The following GRM1 variants were observed in gnomAD, a reference collection of about 807,000 sequenced individuals.
GRM1 encodes the protein metabotropic glutamate receptor 1.
GRM1 carries 33 observed loss-of-function variants against 90.9 expected under a neutral mutation model. The observed-to-expected ratio is 0.36, with a 90% CI of 0.28 to 0.49. GRM1 has a LOEUF of 0.49. GRM1 is among the 20% of genes least tolerant of loss of function. GRM1 has a pLI of 0.99. For missense variants in GRM1, 1,190 were observed against 1,534.3 expected (o/e 0.78, Z 3.75); for synonymous variants, 700 against 613.2 (o/e 1.14, Z -2.09).
intron 1 of GRM1, among the ~76,000 whole-genome samples, chr6:146,059,438 G>T (rs57806958): frequency 2.6e-5 from 4 of 152,064 alleles, no homozygotes; most frequent in African/African-American, 7.2e-5. Flanking sequence ...CAGAAGTGCC[G>T]TCATTCAGGC....
At chr6:146,386,442 T>A (rs1472563562) in intron 5 of GRM1, among the ~76,000 whole-genome samples, 2 of 152,150 alleles carry the variant, frequency 1.3e-5, no homozygotes. Flanking sequence ...CAGTTTTTCA[T>A]AATTACAACA....
intron 5 of GRM1, among the ~76,000 whole-genome samples, chr6:146,378,943 G>A (rs994958404): frequency 6.6e-6 from 1 of 152,116 alleles, no homozygotes; most frequent in Admixed American, 6.5e-5. Flanking sequence ...CATAAAAGAT[G>A]TGATTTTGTT....
At chr6:146,195,570 T>C (rs1337729786) in intron 2 of GRM1, among the ~76,000 whole-genome samples, 2 of 152,182 alleles carry the variant, frequency 1.3e-5, no homozygotes, top group African/African-American at 4.8e-5. Context: ...TGACCCTGTG[T>C]GGGGAGATAC....
chr6:146,311,571 G>A (rs1255805739), intron 3 of GRM1, among the ~76,000 whole-genome samples: 1 of 152,122 alleles, frequency 6.6e-6, no homozygotes, highest in African/African-American at 2.4e-5. Flanking sequence ...TTAGCCACTA[G>A]CCACATGTGT....
In GRM1 at chr6:146,398,978, A is replaced by T; in HGVS notation, c.1939A>T (p.Thr647Ser). The change falls in exon 7 of 8, where the codon ACT becomes TCT. Residue 647 changes from threonine to serine, a missense_variant. Physicochemically the swap from Thr to Ser is moderately conservative, Grantham distance 58. Around this residue, in one of 10 missense-constraint regions of GRM1, gnomAD observed 414 missense variants for 598.4 expected, o/e 0.69. Coordinates refer to ENST00000282753, the MANE Select transcript of GRM1 (RefSeq NM_001278064.2). ...GIFLGYVCPFTLIAKPTTTSC... is the reference protein window; with the variant it reads ...GIFLGYVCPFSLIAKPTTTSC... Reference sequence around the variant, plus strand: ...CTTCCTTGGTTATGTGTGCCCATTCACTCTCATTGCCAAACCTACTACCAC... The same window carrying T: ...CTTCCTTGGTTATGTGTGCCCATTCTCTCTCATTGCCAAACCTACTACCAC... The T allele has an allele frequency of 1.9e-6, 3 of 1,613,612 alleles. No homozygotes were observed. The highest frequency in any genetic ancestry group is 2.5e-6 in the Non-Finnish European group (3 of 1,179,874).
At chr6:146,387,512 G>A (rs565189183) in intron 6 of GRM1, among the ~76,000 whole-genome samples, 4 of 151,898 alleles carry the variant, frequency 2.6e-5, no homozygotes, top group South Asian at 2.1e-4. Flanking sequence ...TATCAGGAAC[G>A]AAACATGAAA....
chr6:146,195,240 T>C (rs1265210794), intron 2 of GRM1, among the ~76,000 whole-genome samples: 2 of 152,220 alleles, frequency 1.3e-5, no homozygotes, highest in Non-Finnish European at 2.9e-5. Flanking sequence ...AGTGGTAATT[T>C]AATTTTAAAT....
chr6:146,140,986 C>A (rs567079360), intron 1 of GRM1, among the ~76,000 whole-genome samples: 6 of 152,130 alleles, frequency 3.9e-5, no homozygotes, highest in African/African-American at 7.2e-5. Context: ...ACCTTCAGAT[C>A]GTTTTTTATT....
At chr6:146,221,641 C>T (rs149863130) in intron 2 of GRM1, among the ~76,000 whole-genome samples, 50 of 152,148 alleles carry the variant, frequency 3.3e-4, no homozygotes, top group Admixed American at 5.9e-4. Context: ...GTGTGAGTAG[C>T]GCTGCAATAA....
intron 6 of GRM1, among the ~76,000 whole-genome samples, chr6:146,394,317 C>T (rs1776849844): frequency 6.6e-6 from 1 of 151,984 alleles, no homozygotes; most frequent in African/African-American, 2.4e-5. Context: ...CAGATAAATT[C>T]CTCTTAGTAG....
chr6:146,434,185 C>T lies in GRM1; in HGVS notation c.2974C>T (p.Pro992Ser). 3.1e-6 allele frequency: 5 copies of T among 1,613,186 alleles called. No homozygotes were observed. The highest frequency in any genetic ancestry group is 4.2e-6 in the Non-Finnish European group (5 of 1,179,302). ...AAGCGCGGCGACCACTCCGCCTCTG[C>T]CGTCCCACCTGACCGCAGAGGAGAC... Reference protein sequence around the residue: ...VPSAATTPPLPSHLTAEETPL... With the variant: ...VPSAATTPPLSSHLTAEETPL... Residue 992 changes from proline (P) to serine (S), a missense_variant, in exon 8 of 8, where the codon CCG becomes TCG. Pro to Ser is a moderately conservative substitution (Grantham distance 74). Coordinates refer to ENST00000282753, the MANE Select transcript of GRM1 (RefSeq NM_001278064.2).
chr6:146,166,983 C>T (rs1207366397), intron 2 of GRM1, among the ~76,000 whole-genome samples: 7 of 152,096 alleles, frequency 4.6e-5, no homozygotes, highest in Non-Finnish European at 5.9e-5. Flanking sequence ...GATAACTCTA[C>T]GCAGTGACAT....
intron 2 of GRM1, among the ~76,000 whole-genome samples, chr6:146,243,362 G>A (rs954030661): frequency 6.6e-6 from 1 of 151,988 alleles, no homozygotes; most frequent in Non-Finnish European, 1.5e-5. Context: ...GAGTGTTTCT[G>A]TTTTCTTAAT....
In GRM1 at chr6:146,262,518, A is replaced by G. The variant is rs186061963; in HGVS notation, c.951-42093A>G. ...AAAAAGGAAAGTATTCATAACACTG[A>G]CTCTTTAAACATCTGTTTACAACAG... On this transcript the variant is annotated intron_variant, in intron 2 of 7. Coordinates refer to ENST00000282753, the MANE Select transcript of GRM1 (RefSeq NM_001278064.2). 8.8e-4 allele frequency among the ~76,000 whole-genome samples: 134 copies of G among 152,052 alleles called. 1 individual carries two copies. The highest frequency in any genetic ancestry group is 3.1e-3 in the African/African-American group (127 of 41,536).
intron 2 of GRM1, among the ~76,000 whole-genome samples, chr6:146,213,718 A>C (rs961270477): frequency 6.6e-6 from 1 of 151,804 alleles, no homozygotes; most frequent in African/African-American, 2.4e-5. Context: ...ATAGATAGAT[A>C]GATAGATAGA....
chr6:146,358,547 G>A (rs9390383), intron 5 of GRM1, among the ~76,000 whole-genome samples: 17,681 of 152,170 alleles, frequency 0.12, 1,716 homozygotes, highest in African/African-American at 0.26. Context: ...CACAGCTGGA[G>A]CTGGGGTAGA....
intron 2 of GRM1, among the ~76,000 whole-genome samples, chr6:146,226,645 C>A (rs1780249992): frequency 6.6e-6 from 1 of 152,080 alleles, no homozygotes; most frequent in Non-Finnish European, 1.5e-5. Flanking sequence ...TTAATTAAAA[C>A]CGCTTCTGTA....
At position 146,118,224 on chromosome 6, in the gene GRM1, C is replaced by T. The variant is rs1449933569; in HGVS notation, c.701-41124C>T. Among the ~76,000 whole-genome samples the T allele has an allele frequency of 3.4e-5, 5 of 145,872 alleles. No individual in the cohort carries two copies. The Admixed American group carries it at 3.5e-4, about 10-fold the overall frequency. On this transcript the variant is annotated intron_variant, in intron 1 of 7. Coordinates refer to ENST00000282753, the MANE Select transcript of GRM1 (RefSeq NM_001278064.2). ...GTGCGATCTCCGCTCACTGCAAGCT[C>T]CACTTCCTGGGTTCACGCCATTCTC...
At chr6:146,124,658 A>G (rs1776127658) in intron 1 of GRM1, among the ~76,000 whole-genome samples, 2 of 152,194 alleles carry the variant, frequency 1.3e-5, no homozygotes, top group African/African-American at 4.8e-5. Context: ...ATACCTATAT[A>G]CTACAAAATT....
Sources: allele counts gnomAD v4.1 joint callset (sites outside exome capture counted in the v4.1 genomes callset), GRCh38; gene constraint gnomAD v4.1.1; regional missense constraint gnomAD v4.1.1; transcripts MANE v1.5; gene names NCBI Gene and HGNC (gene_info 2026-07-23, HGNC 2026-07-21).